The following IFT74 variants were observed in gnomAD, a reference collection of about 807,000 sequenced individuals.
IFT74 encodes the protein intraflagellar transport protein 74 homolog.
Under a neutral mutation model 96.7 loss-of-function variants are expected in IFT74, and 92 were observed. The observed-to-expected ratio is 0.95, with a 90% confidence interval of 0.80 to 1.13. The LOEUF (loss-of-function observed/expected upper bound fraction) is 1.13. Ranked by LOEUF, IFT74 falls within the 50% of genes most tolerant of loss-of-function variation. IFT74 has a pLI of 0.00. For missense variants in IFT74, 811 were observed against 698.2 expected, an observed-to-expected ratio of 1.16 and a Z score of -1.82; for synonymous variants, 223 against 213.2, an observed-to-expected ratio of 1.05 and a Z score of -0.40.
chr9:27,018,709 C>T lies in IFT74; in HGVS notation c.974+22C>T, dbSNP rs1405094097. 4 of 1,407,634 alleles carry T rather than the reference C, an allele frequency of 2.8e-6. No homozygotes were observed. In the African/African-American group the frequency reaches 4.3e-5, roughly 15 times the overall value. 87.2% of individuals were successfully genotyped at this position (1,407,634 alleles called of 1,614,324 possible). A position where few individuals can be genotyped will look rare whatever the true frequency, so the allele number is the denominator to read the frequency against. ...GACAGTAAGTATCTTTATACTAGGACATTTTACATCCATTTCTCACTTTAA... is the reference window on the plus strand; with the variant it reads ...GACAGTAAGTATCTTTATACTAGGATATTTTACATCCATTTCTCACTTTAA... On this transcript the variant is annotated intron_variant, in intron 12 of 19. Transcript: ENST00000380062.
intron 14 of IFT74, among the ~76,000 whole-genome samples, chr9:27,047,050 G>A (rs1819722096): frequency 6.6e-6 from 1 of 152,174 alleles, no homozygotes; most frequent in Non-Finnish European, 1.5e-5. Flanking sequence ...GTGCATGCCT[G>A]TAGTCCCAGC....
chr9:27,062,875 T>C lies in IFT74; in HGVS notation c.*139T>C, dbSNP rs930285857. The C allele has an allele frequency of 8.4e-6, 5 of 593,058 alleles. No individual in the cohort carries two copies. In the Admixed American group the frequency reaches 1.4e-4, roughly 16 times the overall value. The allele number at this position is 593,058 out of a possible 1,614,324, so 36.7% of individuals were successfully genotyped here. A position where few individuals can be genotyped will look rare whatever the true frequency, so the allele number is the denominator to read the frequency against. On this transcript the variant is annotated 3_prime_UTR_variant, in exon 20 of 20. Coordinates refer to ENST00000380062, the MANE Select transcript of IFT74 (RefSeq NM_025103.4). Reference sequence around the variant, plus strand: ...ATGTTATAATTTTTGTGGCCTCTTTTAAGAATGATATTTTAAAATAGTAAA... The same window carrying C: ...ATGTTATAATTTTTGTGGCCTCTTTCAAGAATGATATTTTAAAATAGTAAA...
Position 27,016,892 on chromosome 9 carries a change from C to T in IFT74, c.790-15C>T. 2 of 1,577,104 alleles carry T rather than the reference C, an allele frequency of 1.3e-6. No homozygotes were observed. Among genetic ancestry groups the T allele is most frequent in the Non-Finnish European group, 1.7e-6 (2 of 1,166,868 alleles). On this transcript the variant is annotated splice_polypyrimidine_tract_variant and intron_variant, in intron 10 of 19. Transcript: ENST00000380062. Reference sequence around the variant, plus strand: ...AAAATACTAATTAAAACTTTCCCTTCTTATTTTCCTTTAGGAAATAGCTCA... The same window carrying T: ...AAAATACTAATTAAAACTTTCCCTTTTTATTTTCCTTTAGGAAATAGCTCA...
chr9:27,029,164 GT>G, intron 13 of IFT74, 60 bp downstream of exon 13: 1 of 1,294,398 alleles, frequency 7.7e-7, no homozygotes, highest in Non-Finnish European at 1.1e-6. Context: ...TTAATATAGT[GT>G]TAACTGGTGT....
At chr9:26,995,899 G>A (rs950813635) in intron 8 of IFT74, 1 of 1,302,510 alleles carries the variant, frequency 7.7e-7, no homozygotes, top group South Asian at 1.5e-5. Flanking sequence ...TGTTAAGTTG[G>A]CAAAATAATC....
rs149957553 is a variant in IFT74 at position 27,020,015 on chromosome 9, G to A, written c.974+1328G>A. Among the ~76,000 whole-genome samples, 728 of 148,282 alleles carry A rather than the reference G, an allele frequency of 4.9e-3. 8 individuals carry two copies. The highest frequency in any genetic ancestry group is 0.017 in the African/African-American group (691 of 39,938). On this transcript the variant is annotated intron_variant, in intron 12 of 19. Transcript: ENST00000380062. ...TTCTGATACAGAGTCCCAGTTTGTC[G>A]CCCAGGCTGGAATGCAGTGGTGCAA...
At chr9:27,015,714 CTGTTAACTCTTATGTCTTTGTTAACTT>C (rs1206010701) in intron 10 of IFT74, among the ~76,000 whole-genome samples, 1 of 152,208 alleles carries the variant, frequency 6.6e-6, no homozygotes, top group Non-Finnish European at 1.5e-5. Flanking sequence ...TCAAATGTCA[CTGTTAACTCTTATGTCTTTGTTAACTT>C]TGAAAAGTTA....
chr9:26,979,716 T>C (rs933864880), intron 3 of IFT74, among the ~76,000 whole-genome samples: 2 of 138,838 alleles, frequency 1.4e-5, no homozygotes, highest in Non-Finnish European at 3.1e-5. Context: ...TTTTTTTTTT[T>C]TTTTTTTTTT....
At chr9:27,043,628 TAAACTC>T (rs1361295097) in intron 13 of IFT74, among the ~76,000 whole-genome samples, 2 of 152,236 alleles carry the variant, frequency 1.3e-5, no homozygotes, top group Non-Finnish European at 2.9e-5. Context: ...TCATGTTTGT[TAAACTC>T]AACATATCCA....
intron 8 of IFT74, among the ~76,000 whole-genome samples, chr9:27,005,879 A>G (rs1281962536): frequency 2.0e-5 from 3 of 151,934 alleles, no homozygotes; most frequent in African/African-American, 4.8e-5. Context: ...TCGCTCTGTC[A>G]TTCAGGCTGG....
intron 13 of IFT74, among the ~76,000 whole-genome samples, chr9:27,041,091 A>G (rs1158626671): frequency 6.6e-6 from 1 of 152,198 alleles, no homozygotes; most frequent in Non-Finnish European, 1.5e-5. Flanking sequence ...AACAGCACAT[A>G]CGCATTTCTT....
chr9:27,054,637 C>A (rs1047756141), intron 16 of IFT74, among the ~76,000 whole-genome samples: 1 of 152,062 alleles, frequency 6.6e-6, no homozygotes, highest in African/African-American at 2.4e-5. Flanking sequence ...TTACTTTGTA[C>A]CCCCCAAATC....
At position 26,980,597 on chromosome 9, in the gene IFT74, T is replaced by A; in HGVS notation, c.283T>A (p.Ser95Thr). Residue 95 changes from serine (S) to threonine (T), a missense_variant, in exon 4 of 20, where the codon TCT becomes ACT. Coordinates refer to ENST00000380062, the MANE Select transcript of IFT74 (RefSeq NM_025103.4). ...KGPQRQILDK[S>T]YYLGLLRSKI... The stretch of plus-strand genomic sequence containing the variant: ...TCCCCAGAGGCAAATTTTAGACAAA[T>A]CTTACTATCTTGGGCTTCTTAGGTA... 1 of 1,605,700 alleles carries A rather than the reference T, an allele frequency of 6.2e-7. No individual in the cohort carries two copies. The highest frequency in any genetic ancestry group is 8.5e-7 in the Non-Finnish European group (1 of 1,172,648).
rs1241233987 is a variant in IFT74 at position 27,048,272 on chromosome 9, C to A, written c.1331C>A (p.Ser444Ter). 1 of 1,576,440 alleles carries A rather than the reference C, an allele frequency of 6.3e-7. No homozygotes were observed. Among genetic ancestry groups the A allele is most frequent in the Non-Finnish European group, 8.6e-7 (1 of 1,164,850 alleles). Residue 444 changes from serine (S) to a stop codon, truncating the protein, a stop_gained and splice_region_variant, in exon 16 of 20, where the codon TCA becomes TAA. Coordinates refer to ENST00000380062, the MANE Select transcript of IFT74 (RefSeq NM_025103.4). LOFTEE classifies it high-confidence loss of function. ...CAAAGTACAGCTCAGAATTTGACTT[C>A]AGGTGAGAAAACAACCTAGATTTTA... ...KSQSTAQNLT[S>*]DIQRLQLDLQ...
At chr9:27,047,402 CTT>C in intron 15 of IFT74, 31 bp downstream of exon 15, 4 of 1,360,698 alleles carry the variant, frequency 2.9e-6, no homozygotes, top group Non-Finnish European at 3.1e-6. Context: ...TTGGTGTCCT[CTT>C]TATTTTTGCC....
At chr9:27,040,200 G>A (rs7868543) in intron 13 of IFT74, among the ~76,000 whole-genome samples, 1 of 152,132 alleles carries the variant, frequency 6.6e-6, no homozygotes, top group African/African-American at 2.4e-5. Flanking sequence ...AGAAAAACTA[G>A]AGCTCGTTCA....
In IFT74 at chr9:27,020,753, C is replaced by T. The variant is rs376203490; in HGVS notation, c.974+2066C>T. On this transcript the variant is annotated intron_variant, in intron 12 of 19. Transcript: ENST00000380062. ...CCTCCCAAAGTGCTGGGTTTACAGG[C>T]GTGACCTACCGCGCCTGGCCTATCT... Among the ~76,000 whole-genome samples the T allele has an allele frequency of 1.6e-4, 24 of 152,196 alleles. No homozygotes were observed. In the East Asian group the frequency reaches 3.9e-3, roughly 25 times the overall value.
chr9:27,000,270 C>T (rs190100472), intron 8 of IFT74, among the ~76,000 whole-genome samples: 4 of 151,972 alleles, frequency 2.6e-5, no homozygotes, highest in Non-Finnish European at 5.9e-5. Flanking sequence ...ATGAAAGGAG[C>T]TTTAAAGCAA....
intron 1 of IFT74, among the ~76,000 whole-genome samples, chr9:26,948,728 T>C (rs546328914): frequency 6.6e-6 from 1 of 152,204 alleles, no homozygotes; most frequent in East Asian, 1.9e-4. Flanking sequence ...CCTTCCAAAG[T>C]GCTGGATTAT....
Sources: allele counts gnomAD v4.1 joint callset (sites outside exome capture counted in the v4.1 genomes callset), GRCh38; gene constraint gnomAD v4.1.1; transcripts MANE v1.5; gene names NCBI Gene and HGNC (gene_info 2026-07-23, HGNC 2026-07-21).